ARB2A: variants seen among roughly 807,000 people sequenced by gnomAD.
ARB2A encodes the protein ARB2 cotranscriptional regulator A.
chr5:93,682,837 T>C, the ARB2A span: 1 of 1,334,144 alleles, frequency 7.5e-7, no homozygotes, highest in Non-Finnish European at 1.1e-6. Context: ...AACTATTTTC[T>C]TAAAGAGACT....
At chr5:94,030,236 G>T in the ARB2A span, among the ~76,000 whole-genome samples, 1 of 152,232 alleles carries the variant, frequency 6.6e-6, no homozygotes, top group Admixed American at 6.5e-5. Flanking sequence ...ACAATTTATA[G>T]ATCAGAAGTC....
chr5:93,911,175 A>T, the ARB2A span, among the ~76,000 whole-genome samples: 3 of 151,644 alleles, frequency 2.0e-5, no homozygotes, highest in African/African-American at 7.2e-5. Flanking sequence ...ATACAGTCTG[A>T]AAAAATTCAA....
the ARB2A span, among the ~76,000 whole-genome samples, chr5:93,764,589 G>C: frequency 2.0e-5 from 3 of 152,152 alleles, no homozygotes; most frequent in Non-Finnish European, 2.9e-5. Flanking sequence ...GGACCAGACA[G>C]ATTCACAGCC....
the ARB2A span, among the ~76,000 whole-genome samples, chr5:93,669,417 G>A: frequency 6.6e-6 from 1 of 152,168 alleles, no homozygotes; most frequent in Non-Finnish European, 1.5e-5. Flanking sequence ...GACAAGTTAT[G>A]AGAGGCACTG....
At chr5:93,839,656 CTTTT>C in the ARB2A span, among the ~76,000 whole-genome samples, 2 of 144,562 alleles carry the variant, frequency 1.4e-5, no homozygotes, top group East Asian at 4.0e-4. Flanking sequence ...CGGTCCTGGG[CTTTT>C]TTTTTTGGTT....
chr5:93,749,753 T>C, the ARB2A span, among the ~76,000 whole-genome samples: 1 of 152,168 alleles, frequency 6.6e-6, no homozygotes, highest in Non-Finnish European at 1.5e-5. Flanking sequence ...AACATATACT[T>C]GTTTGTAATA....
the ARB2A span, among the ~76,000 whole-genome samples, chr5:93,806,421 A>G: frequency 4.6e-5 from 7 of 151,846 alleles, no homozygotes; most frequent in Non-Finnish European, 8.8e-5. Context: ...TCACTCACAA[A>G]TCTAATTTTT....
chr5:93,621,249 CCCGCCTGCGCCCCGCCTCAG>C, the ARB2A span: 54 of 873,972 alleles, frequency 6.2e-5, no homozygotes, highest in African/African-American at 8.6e-4. Context: ...CCCCGCCCCT[CCCGCCTGCGCCCCGCCTCAG>C]CCGCCCGCGC....
the ARB2A span, chr5:93,621,243 G>T: frequency 2.4e-6 from 2 of 829,284 alleles, no homozygotes; most frequent in Non-Finnish European, 3.0e-6. Flanking sequence ...GCCCCTCCCC[G>T]CCCCTCCCGC....
the ARB2A span, among the ~76,000 whole-genome samples, chr5:93,991,288 A>G: frequency 1.3e-5 from 2 of 152,166 alleles, no homozygotes; most frequent in Admixed American, 6.5e-5. Context: ...CAGGCTGCTT[A>G]TAAGAAACTT....
At chr5:93,906,895 C>T in the ARB2A span, among the ~76,000 whole-genome samples, 1 of 151,436 alleles carries the variant, frequency 6.6e-6, no homozygotes, top group African/African-American at 2.4e-5. Flanking sequence ...ACCTTGTCTC[C>T]CCAAGTACTT....
At chr5:93,740,871 C>A in the ARB2A span, 1 of 1,614,010 alleles carries the variant, frequency 6.2e-7, no homozygotes, top group Non-Finnish European at 8.5e-7. Context: ...GCTTAGGGCA[C>A]CGCTGGAAGA....
the ARB2A span, among the ~76,000 whole-genome samples, chr5:94,029,032 G>C: frequency 3.3e-5 from 5 of 152,268 alleles, no homozygotes; most frequent in Admixed American, 6.5e-5. Context: ...GTTTGAGATA[G>C]AGTCTTGGTC....
At chr5:94,054,121 T>C in the ARB2A span, among the ~76,000 whole-genome samples, 2 of 152,116 alleles carry the variant, frequency 1.3e-5, no homozygotes, top group African/African-American at 4.8e-5. Flanking sequence ...GTACGAAGAG[T>C]GTGTTATACC....
At chr5:93,696,203 C>T in the ARB2A span, among the ~76,000 whole-genome samples, 3 of 152,132 alleles carry the variant, frequency 2.0e-5, no homozygotes, top group African/African-American at 7.2e-5. Flanking sequence ...CCCACAAACA[C>T]AATGACAGCC....
the ARB2A span, chr5:93,737,942 T>A: frequency 2.2e-6 from 1 of 447,940 alleles, no homozygotes; most frequent in Non-Finnish European, 4.4e-6. Flanking sequence ...ATGAAAAGCC[T>A]AAGCAACAAA....
the ARB2A span, among the ~76,000 whole-genome samples, chr5:94,058,341 T>A: frequency 6.6e-6 from 1 of 152,104 alleles, no homozygotes; most frequent in South Asian, 2.1e-4. Flanking sequence ...GTCTGGTATC[T>A]ATGAAAAATG....
the ARB2A span, among the ~76,000 whole-genome samples, chr5:93,703,650 C>T: frequency 6.6e-6 from 1 of 152,196 alleles, no homozygotes; most frequent in Non-Finnish European, 1.5e-5. Flanking sequence ...GATCAAGTCA[C>T]TAAATGATGT....
At chr5:93,899,933 A>G in the ARB2A span, among the ~76,000 whole-genome samples, 5 of 152,190 alleles carry the variant, frequency 3.3e-5, no homozygotes, top group African/African-American at 1.2e-4. Context: ...TGTTGTTTAG[A>G]TACACTAATT....
Sources: allele counts gnomAD v4.1 joint callset (sites outside exome capture counted in the v4.1 genomes callset), GRCh38; gene constraint gnomAD v4.1.1; transcripts MANE v1.5; gene names NCBI Gene and HGNC (gene_info 2026-07-23, HGNC 2026-07-21).